Variants in DENND5B observed in about 807,000 individuals in gnomAD.
The protein encoded by DENND5B is DENN domain-containing protein 5B.
Under a neutral mutation model 140.6 loss-of-function variants are expected in DENND5B, and 34 were observed. The ratio of observed to expected loss-of-function variants is 0.24; its 90% CI spans 0.18 to 0.32. DENND5B has a LOEUF of 0.32. Among genes scored for constraint, DENND5B ranks in the 10% least tolerant of loss-of-function variants. The pLI, the probability that DENND5B is intolerant of heterozygous loss-of-function variation, is 1.00. For synonymous variants in DENND5B, 551 were observed against 562.1 expected (o/e 0.98, Z 0.28); for missense variants, 1,142 against 1,560.2 (o/e 0.73, Z 4.52).
At chr12:31,458,745 TAAG>T (rs1944888747) in intron 4 of DENND5B, among the ~76,000 whole-genome samples, 1 of 152,176 alleles carries the variant, frequency 6.6e-6, no homozygotes, top group South Asian at 2.1e-4. Context: ...CTATGGGAAA[TAAG>T]AACAAATAAA....
chr12:31,397,269 G>A (rs1593052992), intron 17 of DENND5B, among the ~76,000 whole-genome samples: 1 of 152,072 alleles, frequency 6.6e-6, no homozygotes, highest in East Asian at 1.9e-4. Context: ...AGACACTGGG[G>A]CGGGCGTGGT....
At chr12:31,423,952 T>C (rs1943131448) in intron 10 of DENND5B, among the ~76,000 whole-genome samples, 1 of 152,188 alleles carries the variant, frequency 6.6e-6, no homozygotes, top group Non-Finnish European at 1.5e-5. Context: ...GGTTGTTACT[T>C]GGTTGTATGT....
At chr12:31,576,901 A>G (rs1039963059) in intron 1 of DENND5B, among the ~76,000 whole-genome samples, 1 of 17,174 alleles carries the variant, frequency 5.8e-5, no homozygotes, top group African/African-American at 7.5e-4. Context: ...CTTATTTCTA[A>G]AAAAAAAAAG....
chr12:31,417,059 G>GA (rs538506643), intron 11 of DENND5B, among the ~76,000 whole-genome samples: 23,356 of 96,870 alleles, frequency 0.24, 2,890 homozygotes, highest in Non-Finnish European at 0.31. Context: ...GACTGTCTCT[G>GA]AAAAAAAAAA....
At chr12:31,423,097 C>T (rs1194760071) in intron 11 of DENND5B, among the ~76,000 whole-genome samples, 5 of 152,002 alleles carry the variant, frequency 3.3e-5, no homozygotes, top group Admixed American at 1.3e-4. Flanking sequence ...CCTGCCACCA[C>T]GCCCAGGTAA....
chr12:31,404,552 C>T (rs546783551), intron 14 of DENND5B, among the ~76,000 whole-genome samples: 2 of 152,222 alleles, frequency 1.3e-5, no homozygotes, highest in Non-Finnish European at 2.9e-5. Flanking sequence ...CTCCTGGATT[C>T]AAGTGATTCT....
chr12:31,448,771 G>A (rs1944383537), intron 5 of DENND5B, among the ~76,000 whole-genome samples: 1 of 152,148 alleles, frequency 6.6e-6, no homozygotes, highest in Non-Finnish European at 1.5e-5. Flanking sequence ...AGCCACTAGG[G>A]AGGCTGAAGC....
At chr12:31,531,213 A>C (rs548609559) in intron 1 of DENND5B, among the ~76,000 whole-genome samples, 3 of 142,116 alleles carry the variant, frequency 2.1e-5, no homozygotes, top group South Asian at 4.4e-4. Flanking sequence ...TTTCCTTTTT[A>C]CTTTGAGACG....
chr12:31,439,366 A>G (rs774653808), intron 7 of DENND5B, among the ~76,000 whole-genome samples: 44 of 152,218 alleles, frequency 2.9e-4, no homozygotes, highest in Non-Finnish European at 4.4e-5. Context: ...AAGCAAGAAA[A>G]TAAGGCTATA....
chr12:31,382,513 C>T lies in DENND5B; in HGVS notation c.*5090G>A, dbSNP rs1940675858. 6.6e-6 allele frequency: 1 copy of T among 152,092 alleles called. No individual in the cohort carries two copies. Among genetic ancestry groups the T allele is most frequent in the Admixed American group, 6.5e-5 (1 of 15,268 alleles). The allele number at this position is 152,092 out of a possible 1,614,324, so 9.4% of individuals were successfully genotyped here. A position where few individuals can be genotyped will look rare whatever the true frequency, so the allele number is the denominator to read the frequency against. On this transcript the variant is annotated 3_prime_UTR_variant, in exon 21 of 21. Coordinates refer to ENST00000389082, the MANE Select transcript of DENND5B (RefSeq NM_144973.4). ...TACATGGTTCAAGTGTAACACAGAG[C>T]ATTCTAAATGTTTCACACCCTCATT... is the stretch of plus-strand genomic sequence containing the variant.
At chr12:31,451,221 T>C (rs1192890337) in intron 5 of DENND5B, among the ~76,000 whole-genome samples, 1 of 152,206 alleles carries the variant, frequency 6.6e-6, no homozygotes. Flanking sequence ...TATTTAACCA[T>C]ACTTGATCAT....
At chr12:31,527,367 A>G (rs1238168146) in intron 1 of DENND5B, among the ~76,000 whole-genome samples, 6 of 152,242 alleles carry the variant, frequency 3.9e-5, no homozygotes, top group African/African-American at 1.4e-4. Flanking sequence ...ATAATGAGTG[A>G]AGAGGAGAGA....
chr12:31,525,495 T>C (rs1364995916), intron 1 of DENND5B, among the ~76,000 whole-genome samples: 1 of 152,122 alleles, frequency 6.6e-6, no homozygotes, highest in Non-Finnish European at 1.5e-5. Flanking sequence ...ATAAAGAATA[T>C]GTGTTGCCAG....
intron 7 of DENND5B, among the ~76,000 whole-genome samples, chr12:31,441,313 C>G (rs1271636785): frequency 6.6e-6 from 1 of 152,074 alleles, no homozygotes; most frequent in African/African-American, 2.4e-5. Flanking sequence ...CCACAGCACT[C>G]CAGCCTGGGC....
intron 1 of DENND5B, among the ~76,000 whole-genome samples, chr12:31,506,890 G>A (rs1429766942): frequency 6.6e-6 from 1 of 152,196 alleles, no homozygotes; most frequent in Non-Finnish European, 1.5e-5. Context: ...CAACCAGGAA[G>A]TTCCACTAAA....
intron 1 of DENND5B, among the ~76,000 whole-genome samples, chr12:31,502,567 A>G (rs1457798882): frequency 6.6e-6 from 1 of 152,184 alleles, no homozygotes; most frequent in Admixed American, 6.5e-5. Flanking sequence ...TTGGTTACTC[A>G]GATGTCTAAA....
intron 1 of DENND5B, among the ~76,000 whole-genome samples, chr12:31,496,256 G>C (rs974616738): frequency 1.1e-4 from 16 of 152,156 alleles, no homozygotes; most frequent in Non-Finnish European, 1.9e-4. Flanking sequence ...CTTCAGAAAA[G>C]AAAAGTCTTA....
At chr12:31,575,162 C>T (rs1408936019) in intron 1 of DENND5B, among the ~76,000 whole-genome samples, 1 of 152,144 alleles carries the variant, frequency 6.6e-6, no homozygotes, top group African/African-American at 2.4e-5. Flanking sequence ...TCTTGTTACC[C>T]CAGCCATTTA....
chr12:31,535,770 C>A, intron 1 of DENND5B, among the ~76,000 whole-genome samples: 1 of 152,192 alleles, frequency 6.6e-6, no homozygotes, highest in East Asian at 1.9e-4. Context: ...TCAAGACCAT[C>A]CAGGAAAACA....
Sources: gnomAD v4.1 joint callset for allele counts (sites outside exome capture counted in the v4.1 genomes callset) on GRCh38, gnomAD v4.1.1 for gene constraint, MANE v1.5 for transcripts, NCBI Gene and HGNC (gene_info 2026-07-23, HGNC 2026-07-21) for gene names.